Variants in GTF2A1L observed in about 807,000 individuals in gnomAD.
GTF2A1L encodes the protein TFIIA-alpha and beta-like factor.
A neutral mutation model predicts 49.7 loss-of-function variants in GTF2A1L; 48 were observed. The ratio of observed to expected loss-of-function variants is 0.97; its 90% CI spans 0.77 to 1.23. GTF2A1L has a LOEUF of 1.23. Among genes scored for constraint, GTF2A1L ranks in the 50% most tolerant of loss-of-function variants. GTF2A1L has a pLI of 0.00. For missense variants in GTF2A1L, 736 were observed against 564.8 expected (o/e 1.30, Z -3.07); for synonymous variants, 246 against 193.5 (o/e 1.27, Z -2.25).
intron 6 of GTF2A1L, among the ~76,000 whole-genome samples, chr2:48,655,014 G>A (rs141728838): frequency 1.2e-4 from 18 of 152,012 alleles, no homozygotes; most frequent in Non-Finnish European, 2.4e-4. Context: ...ATTAGGATGC[G>A]CTTGTCAATT....
chr2:48,655,531 T>C (rs1678121702), intron 6 of GTF2A1L, among the ~76,000 whole-genome samples: 1 of 151,998 alleles, frequency 6.6e-6, no homozygotes, highest in Non-Finnish European at 1.5e-5. Context: ...AACTGAAAAT[T>C]TCTAAGGCAT....
intron 6 of GTF2A1L, among the ~76,000 whole-genome samples, chr2:48,662,793 A>T (rs1318088194): frequency 6.6e-6 from 1 of 151,956 alleles, no homozygotes; most frequent in Admixed American, 6.6e-5. Context: ...TGATGCTTTA[A>T]AGGTATATAT....
At chr2:48,672,504 G>A (rs185897627) in intron 8 of GTF2A1L, among the ~76,000 whole-genome samples, 1 of 152,258 alleles carries the variant, frequency 6.6e-6, no homozygotes, top group African/African-American at 2.4e-5. Context: ...AAAGTGGGTA[G>A]GGCAGACGTG....
At chr2:48,650,747 C>T (rs1572738940) in intron 6 of GTF2A1L, among the ~76,000 whole-genome samples, 1 of 152,184 alleles carries the variant, frequency 6.6e-6, no homozygotes, top group Non-Finnish European at 1.5e-5. Flanking sequence ...AGATATATTT[C>T]ATTCCAAATA....
At chr2:48,647,316 T>G (rs1464935469) in intron 6 of GTF2A1L, among the ~76,000 whole-genome samples, 1 of 152,170 alleles carries the variant, frequency 6.6e-6, no homozygotes, top group East Asian at 1.9e-4. Context: ...GATTCTTTCT[T>G]TATTGTTGTT....
intron 6 of GTF2A1L, among the ~76,000 whole-genome samples, chr2:48,652,057 G>A (rs1677881533): frequency 6.6e-6 from 1 of 152,110 alleles, no homozygotes; most frequent in Admixed American, 6.5e-5. Context: ...AAGTGCTTCT[G>A]AAGAAAAAAG....
intron 6 of GTF2A1L, among the ~76,000 whole-genome samples, chr2:48,667,341 T>G (rs1177616719): frequency 6.6e-6 from 1 of 152,164 alleles, no homozygotes; most frequent in African/African-American, 2.4e-5. Flanking sequence ...GAATGGACAT[T>G]ACTCTTCTTA....
chr2:48,619,109 G>A (rs1256232198), intron 1 of GTF2A1L, among the ~76,000 whole-genome samples: 4 of 152,154 alleles, frequency 2.6e-5, no homozygotes, highest in African/African-American at 9.7e-5. Flanking sequence ...AAATGTTACT[G>A]ATTGGCCTAT....
Position 48,668,376 on chromosome 2 carries a change from C to G in GTF2A1L, c.979-1346C>G, listed in dbSNP as rs537951533. On this transcript the variant is annotated intron_variant, in intron 6 of 8. Transcript: ENST00000403751. ...CACCAAGTTTTCAAGGGGCCTCTTA[C>G]TTTTCCAAAGAGGTTAAGAACTACT... Among the ~76,000 whole-genome samples, 163 of 152,252 alleles carry G rather than the reference C, an allele frequency of 1.1e-3. 2 individuals are homozygous for G. The highest frequency in any genetic ancestry group is 1.4e-3 in the Non-Finnish European group (98 of 68,026).
chr2:48,651,624 C>G (rs563581027), intron 6 of GTF2A1L, among the ~76,000 whole-genome samples: 1 of 152,016 alleles, frequency 6.6e-6, no homozygotes, highest in East Asian at 1.9e-4. Context: ...AAGACACAGC[C>G]AATAATTCTA....
At chr2:48,642,324 TA>T in intron 3 of GTF2A1L, 77 bp from the exon 4 acceptor site, 1 of 1,336,438 alleles carries the variant, frequency 7.5e-7, no homozygotes, top group Non-Finnish European at 1.0e-6. Flanking sequence ...AAATATTTTT[TA>T]AAAATAAGCT....
chr2:48,674,505 A>G (rs377000298), intron 8 of GTF2A1L, among the ~76,000 whole-genome samples: 24 of 152,244 alleles, frequency 1.6e-4, no homozygotes, highest in African/African-American at 4.1e-4. Context: ...TTATACAAAT[A>G]GAAAACCGCA....
chr2:48,645,763 C>T (rs535828650), intron 5 of GTF2A1L, among the ~76,000 whole-genome samples: 3 of 152,318 alleles, frequency 2.0e-5, no homozygotes, highest in African/African-American at 7.2e-5. Flanking sequence ...ATTCTCCTGC[C>T]TCAGCCTCCC....
Position 48,669,919 on chromosome 2 carries a change from A to C in GTF2A1L, c.1176A>C (p.Ser392=), listed in dbSNP as rs1349919606. Residue 392 remains serine, a synonymous_variant, in exon 7 of 9, where the codon TCA becomes TCC. Coordinates refer to ENST00000403751, the MANE Select transcript of GTF2A1L (RefSeq NM_006872.5). ...CTGAAGAAGAAGCTGACAGTATTTC[A>C]AATGAGGATTCAGCCACAAACAGTA... ...KVPEEEADSI[S]NEDSATNSSD... is the part of the protein sequence containing the mutation. The C allele has an allele frequency of 1.2e-6, 2 of 1,614,140 alleles. No individual in the cohort carries two copies. The highest frequency in any genetic ancestry group is 2.2e-5 in the South Asian group (2 of 91,082).
In GTF2A1L at chr2:48,671,796, G is replaced by C. The variant is rs573129916; in HGVS notation, c.1329+116G>C. ...CACTTCACAATTAATCAAAACAGCA[G>C]TTTAATTCTGGAAATTCTGAGTGTG... On this transcript the variant is annotated intron_variant, in intron 8 of 8. Coordinates refer to ENST00000403751, the MANE Select transcript of GTF2A1L (RefSeq NM_006872.5). The C allele has an allele frequency of 8.0e-6, 8 of 994,412 alleles. No individual in the cohort carries two copies. The African/African-American group carries it at 1.1e-4, about 14-fold the overall frequency. 61.6% of individuals were successfully genotyped at this position (994,412 alleles called of 1,614,324 possible). A position where few individuals can be genotyped will look rare whatever the true frequency, so the allele number is the denominator to read the frequency against.
chr2:48,660,840 C>T (rs1371310876), intron 6 of GTF2A1L, among the ~76,000 whole-genome samples: 2 of 152,030 alleles, frequency 1.3e-5, no homozygotes, highest in Non-Finnish European at 2.9e-5. Flanking sequence ...GGGGTTTTGC[C>T]ATGCTGGCCA....
At chr2:48,636,957 G>A (rs34393991) in intron 3 of GTF2A1L, among the ~76,000 whole-genome samples, 25,888 of 152,056 alleles carry the variant, frequency 0.17, 2,540 homozygotes, top group South Asian at 0.24. Context: ...AGGGAAGGGA[G>A]GAACAGGGAC....
intron 3 of GTF2A1L, among the ~76,000 whole-genome samples, chr2:48,634,728 T>A (rs1367080639): frequency 6.6e-6 from 1 of 152,242 alleles, no homozygotes. Context: ...AGGCCCCTAG[T>A]CTCTCCTGGC....
chr2:48,665,276 T>TTC (rs200365879), intron 6 of GTF2A1L, among the ~76,000 whole-genome samples: 2 of 149,174 alleles, frequency 1.3e-5, no homozygotes, highest in South Asian at 2.1e-4. Flanking sequence ...CCTTACTGAT[T>TTC]TCTCTCTCTC....
Sources: allele counts gnomAD v4.1 joint callset (sites outside exome capture counted in the v4.1 genomes callset), GRCh38; gene constraint gnomAD v4.1.1; transcripts MANE v1.5; gene names NCBI Gene and HGNC (gene_info 2026-07-23, HGNC 2026-07-21).